Variants in GRID1 observed in about 807,000 individuals in gnomAD.
GRID1 encodes the protein glutamate ionotropic receptor delta type subunit 1, also known as glutamate receptor ionotropic, delta-1.
Under a neutral mutation model 98.0 loss-of-function variants are expected in GRID1, and 28 were observed. The observed-to-expected ratio is 0.29, with a 90% CI of 0.21 to 0.39. The LOEUF (loss-of-function observed/expected upper bound fraction) is 0.39. Ranked by LOEUF, GRID1 falls within the 10% of genes least tolerant of loss-of-function variation. The probability of loss-of-function intolerance (pLI) is 1.00; values close to 1 mark genes in which losing one functional copy is unlikely to be tolerated. For missense variants in GRID1, 1,111 were observed against 1,340.5 expected (o/e 0.83, Z 2.67); for synonymous variants, 553 against 538.5 (o/e 1.03, Z -0.37).
chr10:85,883,606 G>A (rs1841070591), intron 5 of GRID1, among the ~76,000 whole-genome samples: 1 of 147,128 alleles, frequency 6.8e-6, no homozygotes, highest in Admixed American at 6.9e-5. Flanking sequence ...CGTCATGTAC[G>A]TAATCTCATT....
intron 8 of GRID1, among the ~76,000 whole-genome samples, chr10:85,841,287 C>A (rs1842959293): frequency 1.3e-5 from 2 of 151,660 alleles, no homozygotes; most frequent in South Asian, 4.2e-4. Context: ...TAGCCATATG[C>A]AGATTGAAAC....
At chr10:85,666,910 C>T (rs1841025534) in intron 12 of GRID1, among the ~76,000 whole-genome samples, 1 of 152,170 alleles carries the variant, frequency 6.6e-6, no homozygotes, top group Non-Finnish European at 1.5e-5. Context: ...TGGCCTTTCT[C>T]CCACCTGTCA....
chr10:86,157,159 T>C (rs1018561476), intron 3 of GRID1, among the ~76,000 whole-genome samples: 2 of 152,088 alleles, frequency 1.3e-5, no homozygotes, highest in East Asian at 3.9e-4. Flanking sequence ...AAGCTACGAG[T>C]TCTGATGGGG....
intron 8 of GRID1, among the ~76,000 whole-genome samples, chr10:85,760,338 G>A (rs1842136014): frequency 6.6e-6 from 1 of 152,142 alleles, no homozygotes; most frequent in African/African-American, 2.4e-5. Flanking sequence ...ATTGTCATTG[G>A]CCTGATTTGT....
intron 2 of GRID1, among the ~76,000 whole-genome samples, chr10:86,271,123 C>G (rs1398170750): frequency 6.6e-6 from 1 of 152,178 alleles, no homozygotes; most frequent in African/African-American, 2.4e-5. Context: ...GCCCCAAAGC[C>G]AGGAGAAGAA....
chr10:86,292,651 C>T (rs1847531587), intron 2 of GRID1, among the ~76,000 whole-genome samples: 1 of 152,100 alleles, frequency 6.6e-6, no homozygotes, highest in Admixed American at 6.5e-5. Flanking sequence ...TCCGTGTGTG[C>T]ATGTGAATGT....
At chr10:86,100,576 G>A (rs1441187051) in intron 4 of GRID1, among the ~76,000 whole-genome samples, 1 of 152,152 alleles carries the variant, frequency 6.6e-6, no homozygotes, top group African/African-American at 2.4e-5. Context: ...ATGGCAAGCT[G>A]GGGGCTAAAG....
chr10:86,259,254 T>C (rs1452816470), intron 2 of GRID1, among the ~76,000 whole-genome samples: 1 of 152,216 alleles, frequency 6.6e-6, no homozygotes, highest in Non-Finnish European at 1.5e-5. Context: ...CTGTCAGCCC[T>C]AACAGTTTAA....
chr10:86,097,330 A>C (rs1844235676), intron 4 of GRID1, among the ~76,000 whole-genome samples: 1 of 152,232 alleles, frequency 6.6e-6, no homozygotes, highest in African/African-American at 2.4e-5. Flanking sequence ...CTAAAACTTC[A>C]GTTGTAATCA....
chr10:85,697,098 A>C (rs368263264), intron 12 of GRID1, among the ~76,000 whole-genome samples: 6 of 152,240 alleles, frequency 3.9e-5, no homozygotes, highest in Middle Eastern at 3.4e-3. Context: ...CATATTCTGC[A>C]ATTTTGGGGT....
chr10:86,201,015 C>T (rs1410103189), intron 3 of GRID1, among the ~76,000 whole-genome samples: 1 of 152,172 alleles, frequency 6.6e-6, no homozygotes, highest in Admixed American at 6.5e-5. Flanking sequence ...TTGGTCTAAC[C>T]TAATAAAGTG....
At position 86,010,629 on chromosome 10, in the gene GRID1, G is replaced by A. The variant is rs779205522; in HGVS notation, c.727-94390C>T. Among the ~76,000 whole-genome samples, 126 of 152,052 alleles carry A rather than the reference G, an allele frequency of 8.3e-4. 1 individual carries two copies. The highest frequency in any genetic ancestry group is 2.7e-3 in the African/African-American group (112 of 41,472). ...AGCTCAGGAGTTGGAGACAGGCCTG[G>A]GCAATGATGAAACTCCATCTCTACT... is the stretch of plus-strand genomic sequence containing the variant. On this transcript the variant is annotated intron_variant, in intron 4 of 15. Coordinates refer to ENST00000327946, the MANE Select transcript of GRID1 (RefSeq NM_017551.3).
intron 4 of GRID1, among the ~76,000 whole-genome samples, chr10:86,099,934 T>C (rs2131944133): frequency 6.6e-6 from 1 of 152,278 alleles, no homozygotes. Flanking sequence ...TTCAGCACCC[T>C]CATGGGGCTG....
chr10:85,809,357 A>C (rs886551157), intron 8 of GRID1, among the ~76,000 whole-genome samples: 5 of 152,210 alleles, frequency 3.3e-5, no homozygotes, highest in African/African-American at 1.2e-4. Flanking sequence ...CAATAACTTC[A>C]GTAGGATAAA....
chr10:85,832,264 T>G (rs569118399), intron 8 of GRID1, among the ~76,000 whole-genome samples: 1 of 152,178 alleles, frequency 6.6e-6, no homozygotes, highest in African/African-American at 2.4e-5. Flanking sequence ...TCATACAAAC[T>G]CGTTCAGAAA....
chr10:85,836,268 C>T (rs564197922), intron 8 of GRID1, among the ~76,000 whole-genome samples: 1 of 151,896 alleles, frequency 6.6e-6, no homozygotes, highest in Non-Finnish European at 1.5e-5. Flanking sequence ...GACAAGATGA[C>T]CAACTAGATG....
intron 3 of GRID1, among the ~76,000 whole-genome samples, chr10:86,167,200 C>A (rs911692485): frequency 1.3e-5 from 2 of 152,230 alleles, no homozygotes; most frequent in African/African-American, 4.8e-5. Flanking sequence ...TCCAATAAAG[C>A]AGGACAGAGG....
chr10:86,332,520 C>A (rs1431305438), intron 2 of GRID1, among the ~76,000 whole-genome samples: 1 of 152,060 alleles, frequency 6.6e-6, no homozygotes, highest in East Asian at 1.9e-4. Flanking sequence ...TCCCTGCCTT[C>A]CCCAGGTGAA....
chr10:86,289,364 A>C (rs1847479441), intron 2 of GRID1, among the ~76,000 whole-genome samples: 1 of 152,102 alleles, frequency 6.6e-6, no homozygotes, highest in East Asian at 1.9e-4. Context: ...GAGAAACAGA[A>C]CATCGGCCAG....
Sources: allele counts gnomAD v4.1 joint callset (sites outside exome capture counted in the v4.1 genomes callset), GRCh38; gene constraint gnomAD v4.1.1; transcripts MANE v1.5; gene names NCBI Gene and HGNC (gene_info 2026-07-23, HGNC 2026-07-21).